The following ITGA8 variants were observed in gnomAD, a reference collection of about 807,000 sequenced individuals.
The protein encoded by ITGA8 is integrin subunit alpha 8, also known as integrin alpha-8.
In ITGA8, 91 loss-of-function variants were observed where a neutral mutation model predicts 142.3. The ratio of observed to expected loss-of-function variants is 0.64; its 90% CI spans 0.54 to 0.76. The LOEUF is 0.76. ITGA8 is among the 30% of genes least tolerant of loss of function. The probability of loss-of-function intolerance (pLI) is 0.00; values close to 1 mark genes in which losing one functional copy is unlikely to be tolerated. For missense variants in ITGA8, 1,406 were observed against 1,327.7 expected (o/e 1.06, Z -0.92); for synonymous variants, 505 against 485.2 (o/e 1.04, Z -0.54).
intron 2 of ITGA8, among the ~76,000 whole-genome samples, chr10:15,701,567 G>A (rs1324569602): frequency 6.6e-6 from 1 of 152,146 alleles, no homozygotes; most frequent in African/African-American, 2.4e-5. Flanking sequence ...TGGGCTGTAA[G>A]CAGATTTTTC....
chr10:15,655,975 C>A (rs1316738099), intron 10 of ITGA8, among the ~76,000 whole-genome samples: 1 of 152,062 alleles, frequency 6.6e-6, no homozygotes, highest in Non-Finnish European at 1.5e-5. Context: ...TCCCAGCTAA[C>A]TGTGGGGCTG....
Position 15,605,269 on chromosome 10 carries a change from T to C in ITGA8, c.1970+455A>G, listed in dbSNP as rs189930886. On this transcript the variant is annotated intron_variant, in intron 19 of 29. Coordinates refer to ENST00000378076, the MANE Select transcript of ITGA8 (RefSeq NM_003638.3). ...TTGTGACACCTTCTGCTTTACTCCA[T>C]AGAGTGCTATTTAGGTTTATTTATT... Among the ~76,000 whole-genome samples the C allele has an allele frequency of 5.2e-3, 795 of 152,286 alleles. 7 individuals carry two copies. The highest frequency in any genetic ancestry group is 0.018 in the African/African-American group (751 of 41,574).
chr10:15,554,207 C>G (rs1049216778), intron 26 of ITGA8, among the ~76,000 whole-genome samples: 2 of 152,150 alleles, frequency 1.3e-5, no homozygotes, highest in Non-Finnish European at 2.9e-5. Flanking sequence ...TTTAGGACTT[C>G]CGCAGCTCCC....
At chr10:15,644,481 T>G (rs1564388997) in intron 12 of ITGA8, among the ~76,000 whole-genome samples, 3 of 22,314 alleles carry the variant, frequency 1.3e-4, no homozygotes, top group African/African-American at 3.2e-4. Flanking sequence ...TATATATATA[T>G]ATATATATAT....
intron 4 of ITGA8, 135 bp downstream of exon 4, chr10:15,683,869 A>G (rs2131703208): frequency 2.1e-6 from 2 of 951,456 alleles, no homozygotes; most frequent in African/African-American, 1.6e-5. Context: ...GCTGACAAAA[A>G]TCTTTACCTA....
chr10:15,646,535 A>G (rs1416209553), intron 12 of ITGA8, among the ~76,000 whole-genome samples: 1 of 152,188 alleles, frequency 6.6e-6, no homozygotes, highest in Non-Finnish European at 1.5e-5. Flanking sequence ...TGTCTTCTAC[A>G]AGGAGATCAA....
intron 8 of ITGA8, among the ~76,000 whole-genome samples, chr10:15,666,456 A>G (rs1834393822): frequency 6.6e-6 from 1 of 152,150 alleles, no homozygotes; most frequent in Admixed American, 6.5e-5. Flanking sequence ...CAGTCATGTC[A>G]TCTGCAAACA....
intron 8 of ITGA8, among the ~76,000 whole-genome samples, chr10:15,671,364 G>A (rs929399550): frequency 6.6e-6 from 1 of 151,984 alleles, no homozygotes; most frequent in Non-Finnish European, 1.5e-5. Flanking sequence ...ATGGGATTAT[G>A]GCCCTAATAT....
chr10:15,592,368 C>A, intron 21 of ITGA8, 64 bp from the exon 22 acceptor site: 2 of 1,255,250 alleles, frequency 1.6e-6, no homozygotes, highest in South Asian at 1.3e-5. Flanking sequence ...TTTTGTAAGT[C>A]ATTCCTGCAA....
chr10:15,551,027 CTT>C (rs1833784723), intron 26 of ITGA8, among the ~76,000 whole-genome samples: 2 of 152,038 alleles, frequency 1.3e-5, no homozygotes, highest in Non-Finnish European at 2.9e-5. Context: ...GGAGAATGCT[CTT>C]TGGAGAAGAA....
chr10:15,584,618 TCCTG>T (rs1832791783), intron 23 of ITGA8, among the ~76,000 whole-genome samples: 1 of 152,234 alleles, frequency 6.6e-6, no homozygotes, highest in Non-Finnish European at 1.5e-5. Flanking sequence ...TACTCTCTGA[TCCTG>T]AATTTCCACT....
intron 11 of ITGA8, among the ~76,000 whole-genome samples, chr10:15,648,946 A>G (rs1280012629): frequency 2.0e-5 from 3 of 152,196 alleles, no homozygotes; most frequent in Non-Finnish European, 4.4e-5. Flanking sequence ...GCAGATGGGG[A>G]AAAATAATAT....
chr10:15,545,839 C>T (rs1180651266), intron 27 of ITGA8, among the ~76,000 whole-genome samples: 1 of 152,054 alleles, frequency 6.6e-6, no homozygotes, highest in Non-Finnish European at 1.5e-5. Context: ...TATTTATTTA[C>T]TTGTGTTCTT....
chr10:15,578,705 T>A (rs1161560200), intron 23 of ITGA8, among the ~76,000 whole-genome samples: 1 of 152,106 alleles, frequency 6.6e-6, no homozygotes, highest in Non-Finnish European at 1.5e-5. Flanking sequence ...GATGGTATCC[T>A]ATGCAAACCT....
chr10:15,563,942 A>G (rs907474582), intron 25 of ITGA8, among the ~76,000 whole-genome samples: 10 of 152,068 alleles, frequency 6.6e-5, no homozygotes, highest in African/African-American at 2.4e-4. Context: ...ACAAAAACCA[A>G]TACCCCAAAG....
chr10:15,637,504 A>ATTTTT (rs59157680), intron 13 of ITGA8, among the ~76,000 whole-genome samples: 32 of 131,188 alleles, frequency 2.4e-4, no homozygotes, highest in Non-Finnish European at 3.2e-4. Flanking sequence ...GACTCTTTAA[A>ATTTTT]TTTTTTTTTT....
intron 2 of ITGA8, among the ~76,000 whole-genome samples, chr10:15,695,250 G>A: frequency 6.6e-6 from 1 of 152,240 alleles, no homozygotes; most frequent in East Asian, 1.9e-4. Flanking sequence ...GAGCAGAATT[G>A]CACTGTCCCA....
intron 25 of ITGA8, among the ~76,000 whole-genome samples, chr10:15,561,767 G>A (rs1187667421): frequency 1.3e-5 from 2 of 152,174 alleles, no homozygotes; most frequent in South Asian, 4.1e-4. Flanking sequence ...TTAGGGGCAT[G>A]TGGAAGGGTG....
At chr10:15,634,154 ACTCT>A (rs1477698094) in intron 13 of ITGA8, among the ~76,000 whole-genome samples, 2 of 151,830 alleles carry the variant, frequency 1.3e-5, no homozygotes, top group Admixed American at 6.6e-5. Context: ...AGCAAGAAAC[ACTCT>A]CTCTTTTTAA....
Sources: allele counts gnomAD v4.1 joint callset (sites outside exome capture counted in the v4.1 genomes callset), GRCh38; gene constraint gnomAD v4.1.1; transcripts MANE v1.5; gene names NCBI Gene and HGNC (gene_info 2026-07-23, HGNC 2026-07-21).